The following MAD2L2 variants were observed in gnomAD, a reference collection of about 807,000 sequenced individuals.
MAD2L2 encodes the protein mitotic spindle assembly checkpoint protein MAD2B.
MAD2L2 carries 17 observed loss-of-function variants against 30.5 expected under a neutral mutation model. The ratio of observed to expected loss-of-function variants is 0.56; its 90% CI spans 0.38 to 0.84. MAD2L2 has a LOEUF of 0.84. MAD2L2 is among the 40% of genes least tolerant of loss of function. The pLI is 0.00. For missense variants in MAD2L2, 213 were observed against 277.4 expected, an observed-to-expected ratio of 0.77 and a Z score of 1.65; for synonymous variants, 101 against 113.9, an observed-to-expected ratio of 0.89 and a Z score of 0.72.
At position 11,676,006 on chromosome 1, in the gene MAD2L2, T is replaced by C. The variant is rs2233021; in HGVS notation, c.427+40A>G. On this transcript the variant is annotated intron_variant, in intron 6 of 8. Coordinates refer to ENST00000376692, the MANE Select transcript of MAD2L2 (RefSeq NM_006341.4). ...AACACAGACCAACCCGAGATAACCA[T>C]GGAAATGCCAAGGGAAGAGAGGGTG... 320 of 1,549,246 alleles carry C rather than the reference T, an allele frequency of 2.1e-4. 2 individuals carry two copies. In the East Asian group the frequency reaches 7.1e-3, roughly 34 times the overall value.
Position 11,675,689 on chromosome 1 carries a change from G to C in MAD2L2, c.470C>G (p.Thr157Ser). ...GACCTGGATCTTCTCCATGTTGCGAGTGGCGGCTTCTCTCGTGTGCACCAG... is the reference window on the plus strand; with the variant it reads ...GACCTGGATCTTCTCCATGTTGCGACTGGCGGCTTCTCTCGTGTGCACCAG... ...TVLVHTREAA[T>S]RNMEKIQVIK... is the part of the protein sequence containing the mutation. The change falls in exon 7 of 9, where the codon ACT becomes AGT. Residue 157 changes from threonine to serine, a missense_variant. Physicochemically the swap from Thr to Ser is moderately conservative, Grantham distance 58. Transcript: ENST00000376692. 4 of 1,614,124 alleles carry C rather than the reference G, an allele frequency of 2.5e-6. No individual in the cohort carries two copies. Among genetic ancestry groups the C allele is most frequent in the African/African-American group, 1.3e-5 (1 of 75,062 alleles).
exon 1 of MAD2L2, chr1:11,691,563 G>A (rs1245202027): frequency 9.2e-5 from 14 of 151,684 alleles, no homozygotes; most frequent in African/African-American, 4.8e-5. Flanking sequence ...AGCTGGCGAG[G>A]GCGCGCTGGC....
At chr1:11,680,522 G>A in intron 2 of MAD2L2, 40 bp downstream of exon 2, 1 of 1,610,518 alleles carries the variant, frequency 6.2e-7, no homozygotes, top group South Asian at 1.1e-5. Context: ...CGCCGGCCCA[G>A]ACGCCCCCGC....
At position 11,688,845 on chromosome 1, in the gene MAD2L2, A is replaced by C. The variant is rs1641008488; in HGVS notation, c.-692+2568T>G. ...TACAGGTCATAAAGACCTTGCTGAT[A>C]AAACAGTTTGCAGTAAGGAAGCCTG... On this transcript the variant is annotated intron_variant, in intron 1 of 10. Transcript: ENST00000235310. The surrounding 1 kb of genome is among the most constrained non-coding windows in gnomAD (Gnocchi z 4.6). Among the ~76,000 whole-genome samples the C allele has an allele frequency of 6.6e-6, 1 of 152,212 alleles. No homozygotes were observed. The highest frequency in any genetic ancestry group is 2.4e-5 in the African/African-American group (1 of 41,456).
chr1:11,675,553 A>C, intron 7 of MAD2L2, 105 bp downstream of exon 7: 2 of 1,121,542 alleles, frequency 1.8e-6, no homozygotes, highest in Non-Finnish European at 2.7e-6. Context: ...GCGCTGCCAC[A>C]CCAATGTAAT....
chr1:11,679,998 T>G (rs1020537188), intron 3 of MAD2L2, among the ~76,000 whole-genome samples: 7 of 92,456 alleles, frequency 7.6e-5, no homozygotes, highest in East Asian at 3.2e-4. Flanking sequence ...TTTTTTTTTT[T>G]TTTTTTTTTT....
rs778453767 is a variant in MAD2L2, at chr1:11,680,491, G to A, written c.41-20C>T. On this transcript the variant is annotated intron_variant, in intron 2 of 8. Coordinates refer to ENST00000376692, the MANE Select transcript of MAD2L2 (RefSeq NM_006341.4). The stretch of plus-strand genomic sequence containing the variant: ...CCACCACTGCAGGGGGGCACAAGCC[G>A]GTGGCGCGCTCGAGGAAGCCCGCCG... 20 of 1,611,866 alleles carry A rather than the reference G, an allele frequency of 1.2e-5. No homozygotes were observed. The highest frequency in any genetic ancestry group is 3.3e-5 in the Admixed American group (2 of 59,872).
upstream of MAD2L2, among the ~76,000 whole-genome samples, chr1:11,685,103 A>AT (rs1401753024): frequency 6.6e-6 from 1 of 151,740 alleles, no homozygotes; most frequent in African/African-American, 2.4e-5. Flanking sequence ...GATTTTTCAA[A>AT]TTTTTTGCAG....
rs1640721245 is a variant in MAD2L2 at position 11,674,494 on chromosome 1, G to T, written c.*281C>A. 5.2e-6 allele frequency: 2 copies of T among 382,790 alleles called. No homozygotes were observed. The highest frequency in any genetic ancestry group is 6.1e-5 in the South Asian group (2 of 32,658). The allele number at this position is 382,790 out of a possible 1,614,324, so 23.7% of individuals were successfully genotyped here. On this transcript the variant is annotated 3_prime_UTR_variant, in exon 9 of 9. Transcript: ENST00000376692. This position sits in a 1 kb window ranked among gnomAD's most constrained non-coding sequence, Gnocchi z 6.1. ...GATGGCTCAGCTCAGCCCAGCCCTTGGGGCCCCTTTATTGAAACAACTCAC... is the reference window on the plus strand; with the variant it reads ...GATGGCTCAGCTCAGCCCAGCCCTTTGGGCCCCTTTATTGAAACAACTCAC...
chr1:11,677,474 G>C (rs770249368), intron 4 of MAD2L2, 69 bp downstream of exon 4: 2 of 1,438,620 alleles, frequency 1.4e-6, no homozygotes, highest in Admixed American at 3.3e-5. Context: ...TCCCAGAGTT[G>C]GACTGTGAGC....
In MAD2L2 at chr1:11,674,865, C is replaced by A; in HGVS notation, c.595-49G>T. The A allele has an allele frequency of 6.2e-7, 1 of 1,606,060 alleles. No homozygotes were observed. Among genetic ancestry groups the A allele is most frequent in the Non-Finnish European group, 8.5e-7 (1 of 1,173,386 alleles). On this transcript the variant is annotated intron_variant, in intron 8 of 8. Transcript: ENST00000376692. This position sits in a 1 kb window ranked among gnomAD's most constrained non-coding sequence, Gnocchi z 6.1. Reference sequence around the variant, plus strand: ...ACAGTCAGCAAGACAGCCAGGGCATCCCTGCTGGAGGACACAGAAGCCCCT... The same window carrying A: ...ACAGTCAGCAAGACAGCCAGGGCATACCTGCTGGAGGACACAGAAGCCCCT...
intron 3 of MAD2L2, 106 bp downstream of exon 3, chr1:11,680,247 C>G (rs1195185828): frequency 3.4e-6 from 3 of 887,818 alleles, no homozygotes; most frequent in South Asian, 1.6e-5. Context: ...CCGCCCGCCT[C>G]GGCCTCCCAA....
intron 4 of MAD2L2, 44 bp downstream of exon 4, chr1:11,677,499 G>T (rs369357781): frequency 6.3e-7 from 1 of 1,578,568 alleles, no homozygotes; most frequent in East Asian, 2.2e-5. Context: ...AGGGACGGGG[G>T]TGAGCATGGG....
In MAD2L2 at chr1:11,674,703, T is replaced by C; in HGVS notation, c.*72A>G. 1 of 1,504,802 alleles carries C rather than the reference T, an allele frequency of 6.6e-7. No homozygotes were observed. The highest frequency in any genetic ancestry group is 9.2e-7 in the Non-Finnish European group (1 of 1,084,272). 93.2% of individuals were successfully genotyped at this position (1,504,802 alleles called of 1,614,324 possible). On this transcript the variant is annotated 3_prime_UTR_variant, in exon 9 of 9. Transcript: ENST00000376692. The surrounding 1 kb of genome is among the most constrained non-coding windows in gnomAD (Gnocchi z 6.1). ...AGAGCACTTGGAATCAGGGCAGCCA[T>C]GCAGCACTGCCCTAGGCGGGGATCC...
rs1180170718 is a variant in MAD2L2, at chr1:11,676,856, C to T, written c.324G>A (p.Leu108=). Reference sequence around the variant, plus strand: ...GGGCAGGGGCAGCCCACCTGATGGACAGCAGTGGAGGCTGGGTGATCTCAA... The same window carrying T: ...GGGCAGGGGCAGCCCACCTGATGGATAGCAGTGGAGGCTGGGTGATCTCAA... ...FVFEITQPPL[L]SISSDSLLSH... Residue 108 remains leucine (L), a synonymous_variant, in exon 5 of 9, where the codon CTG becomes CTA. Transcript: ENST00000376692. 1.2e-6 allele frequency: 2 copies of T among 1,613,816 alleles called. No homozygotes were observed. Among genetic ancestry groups the T allele is most frequent in the Non-Finnish European group, 1.7e-6 (2 of 1,179,804 alleles).
Position 11,679,985 on chromosome 1 carries a change from GTTTTTTTTTTTTTT to G in MAD2L2, c.159+354_159+367del, listed in dbSNP as rs70983583. ...GGTGGCTTGGCCCGAAGTGGAAGAGGTTTTTTTTTTTTTTTTTTTTTTTTTTTGAGACGGAGTTT... is the reference window on the plus strand; with the variant it reads ...GGTGGCTTGGCCCGAAGTGGAAGAGGTTTTTTTTTTTTTGAGACGGAGTTT... On this transcript the variant is annotated intron_variant, in intron 3 of 8. Coordinates refer to ENST00000376692, the MANE Select transcript of MAD2L2 (RefSeq NM_006341.4). 4.6e-3 allele frequency among the ~76,000 whole-genome samples: 403 copies of G among 87,628 alleles called. 2 individuals are homozygous for G. Among genetic ancestry groups the G allele is most frequent in the Middle Eastern group, 7.7e-3 (1 of 130 alleles). The allele number at this position is 87,628 out of a possible 152,430, so 57.5% of individuals were successfully genotyped here. A position where few individuals can be genotyped will look rare whatever the true frequency, so the allele number is the denominator to read the frequency against.
intron 1 of MAD2L2, among the ~76,000 whole-genome samples, chr1:11,689,263 A>G (rs942538960): frequency 1.4e-5 from 2 of 138,688 alleles, no homozygotes; most frequent in Non-Finnish European, 3.0e-5. Context: ...CCACTATACA[A>G]GCCTGGGCAA....
intron 4 of MAD2L2, 178 bp downstream of exon 4, chr1:11,677,365 T>C (rs1207212138): frequency 1.5e-6 from 1 of 657,710 alleles, no homozygotes; most frequent in African/African-American, 1.8e-5. Context: ...CCGCATGCCT[T>C]GGGGCCTGCC....
chr1:11,685,312 T>C (rs966606330), upstream of MAD2L2, among the ~76,000 whole-genome samples: 2 of 152,216 alleles, frequency 1.3e-5, no homozygotes, highest in African/African-American at 4.8e-5. Flanking sequence ...TGGTGGACAG[T>C]GGCTCATTAC....
Sources: gnomAD v4.1 joint callset for allele counts (sites outside exome capture counted in the v4.1 genomes callset) on GRCh38, gnomAD v4.1.1 for gene constraint, Gnocchi (gnomAD v3.1) non-coding constraint, MANE v1.5 for transcripts, NCBI Gene and HGNC (gene_info 2026-07-23, HGNC 2026-07-21) for gene names.